Variants in DCC observed in about 807,000 individuals in gnomAD.
DCC encodes the protein DCC netrin 1 receptor, also known as netrin receptor DCC.
Under a neutral mutation model 172.5 loss-of-function variants are expected in DCC, and 58 were observed. The ratio of observed to expected loss-of-function variants is 0.34; its 90% confidence interval spans 0.27 to 0.42. DCC has a LOEUF of 0.42. Among genes scored for constraint, DCC ranks in the 10% least tolerant of loss-of-function variants. The pLI is 1.00. For synonymous variants in DCC, 709 were observed against 644.5 expected (o/e 1.10, Z -1.52); for missense variants, 1,740 against 1,791.0 (o/e 0.97, Z 0.51).
intron 12 of DCC, among the ~76,000 whole-genome samples, chr18:53,275,818 T>C (rs180784170): frequency 4.4e-4 from 67 of 152,288 alleles, no homozygotes; most frequent in African/African-American, 1.6e-3. Flanking sequence ...TTATTGACTA[T>C]AATTTTTTTA....
At chr18:52,881,632 G>T (rs2039487032) in intron 2 of DCC, among the ~76,000 whole-genome samples, 1 of 152,082 alleles carries the variant, frequency 6.6e-6, no homozygotes, top group Admixed American at 6.6e-5. Context: ...ATTTATTGCT[G>T]GGTTCTGTAT....
At chr18:53,431,420 G>T (rs1312085925) in intron 21 of DCC, among the ~76,000 whole-genome samples, 3 of 151,480 alleles carry the variant, frequency 2.0e-5, no homozygotes, top group African/African-American at 7.3e-5. Flanking sequence ...ATCCAATACA[G>T]AATTCTTCTT....
chr18:52,465,264 T>C (rs962091616), intron 1 of DCC, among the ~76,000 whole-genome samples: 2 of 152,182 alleles, frequency 1.3e-5, no homozygotes, highest in Non-Finnish European at 1.5e-5. Flanking sequence ...AGGGGCAATG[T>C]ATTCTCCAAA....
At chr18:53,264,640 T>A (rs2056651127) in intron 12 of DCC, among the ~76,000 whole-genome samples, 1 of 151,936 alleles carries the variant, frequency 6.6e-6, no homozygotes, top group Non-Finnish European at 1.5e-5. Context: ...CTTTCTAAAT[T>A]TGGAAAAGGT....
intron 2 of DCC, among the ~76,000 whole-genome samples, chr18:52,855,314 G>C (rs112251240): frequency 6.6e-6 from 1 of 152,180 alleles, no homozygotes; most frequent in Non-Finnish European, 1.5e-5. Context: ...GTAAGACTTA[G>C]GGTAAAAGAG....
At chr18:53,251,851 C>T (rs987823196) in intron 12 of DCC, among the ~76,000 whole-genome samples, 2 of 151,908 alleles carry the variant, frequency 1.3e-5, no homozygotes, top group African/African-American at 4.8e-5. Context: ...TGAATAAATG[C>T]ATCCTCCCAT....
At chr18:53,305,413 A>G (rs2057188376) in intron 12 of DCC, among the ~76,000 whole-genome samples, 165 bp from the exon 13 acceptor site, 1 of 152,240 alleles carries the variant, frequency 6.6e-6, no homozygotes, top group African/African-American at 2.4e-5. Flanking sequence ...GACAAATAAG[A>G]ATGCTGTCAG....
At chr18:52,547,746 A>G (rs191314335) in intron 1 of DCC, among the ~76,000 whole-genome samples, 9 of 152,300 alleles carry the variant, frequency 5.9e-5, no homozygotes, top group Non-Finnish European at 1.3e-4. Context: ...CAGCATGAGC[A>G]AAGGAACAAA....
At chr18:52,883,338 A>C in intron 2 of DCC, among the ~76,000 whole-genome samples, 1 of 51,584 alleles carries the variant, frequency 1.9e-5, no homozygotes, top group Non-Finnish European at 4.6e-5. Flanking sequence ...TTATTTATTT[A>C]TTTATTTATT....
In DCC at chr18:53,035,684, G is replaced by A. The variant is rs991627243; in HGVS notation, c.986-27621G>A. On this transcript the variant is annotated intron_variant, in intron 5 of 28. Coordinates refer to ENST00000442544, the MANE Select transcript of DCC (RefSeq NM_005215.4). ...AAGCAGCCTAAATGAACGCAGCAGG[G>A]GCTGGCTCCATTCTTTGGTATGATC... Among the ~76,000 whole-genome samples, 13 of 152,148 alleles carry A rather than the reference G, an allele frequency of 8.5e-5. 1 individual carries two copies. Among genetic ancestry groups the A allele is most frequent in the African/African-American group, 3.1e-4 (13 of 41,526 alleles).
intron 28 of DCC, chr18:53,526,961 C>T (rs544076105): frequency 2.2e-4 from 132 of 590,728 alleles, no homozygotes; most frequent in African/African-American, 2.1e-3. Flanking sequence ...ATGTCAGAGA[C>T]TTAGTTATGT....
At chr18:52,671,263 C>A (rs1568032878) in intron 1 of DCC, among the ~76,000 whole-genome samples, 1 of 152,062 alleles carries the variant, frequency 6.6e-6, no homozygotes, top group Non-Finnish European at 1.5e-5. Flanking sequence ...CTCACGGTCA[C>A]CAATTGAGAG....
At chr18:52,976,107 C>T (rs1235224560) in intron 5 of DCC, among the ~76,000 whole-genome samples, 1 of 151,966 alleles carries the variant, frequency 6.6e-6, no homozygotes, top group Non-Finnish European at 1.5e-5. Flanking sequence ...CTCTAATGAT[C>T]AGTGGTGAGC....
intron 27 of DCC, among the ~76,000 whole-genome samples, chr18:53,511,181 C>T (rs1006278712): frequency 6.6e-6 from 1 of 152,158 alleles, no homozygotes; most frequent in Non-Finnish European, 1.5e-5. Context: ...CTGTTTTACC[C>T]TTTCTCTCTC....
intron 1 of DCC, among the ~76,000 whole-genome samples, chr18:52,704,902 T>G (rs1467783980): frequency 6.6e-6 from 1 of 152,174 alleles, no homozygotes; most frequent in Non-Finnish European, 1.5e-5. Flanking sequence ...GGAGGCTATG[T>G]TGCAGCCTGG....
chr18:53,450,365 C>G (rs1160583374), intron 22 of DCC, 135 bp from the exon 23 acceptor site: 13 of 852,846 alleles, frequency 1.5e-5, no homozygotes, highest in Admixed American at 6.3e-5. Flanking sequence ...TTCATTGCTT[C>G]CCTCGAACTC....
intron 7 of DCC, among the ~76,000 whole-genome samples, chr18:53,076,418 G>C (rs1034505266): frequency 3.9e-5 from 6 of 152,020 alleles, no homozygotes; most frequent in African/African-American, 1.4e-4. Flanking sequence ...CCTAGAAAAA[G>C]GTATCCCTTT....
At chr18:53,123,351 A>T (rs2043509834) in intron 7 of DCC, among the ~76,000 whole-genome samples, 1 of 152,014 alleles carries the variant, frequency 6.6e-6, no homozygotes, top group South Asian at 2.1e-4. Context: ...CAAGACCTAC[A>T]AAAGGAAGAG....
At chr18:52,872,628 A>G (rs1252032027) in intron 2 of DCC, among the ~76,000 whole-genome samples, 1 of 152,228 alleles carries the variant, frequency 6.6e-6, no homozygotes, top group Non-Finnish European at 1.5e-5. Flanking sequence ...GTTATTTTGC[A>G]TGGTCTGTGA....
Sources: allele counts gnomAD v4.1 joint callset (sites outside exome capture counted in the v4.1 genomes callset), GRCh38; gene constraint gnomAD v4.1.1; transcripts MANE v1.5; gene names NCBI Gene and HGNC (gene_info 2026-07-23, HGNC 2026-07-21).